CCNB1: variants seen among roughly 807,000 people sequenced by gnomAD.
CCNB1 encodes the protein cyclin B1.
A neutral mutation model predicts 44.4 loss-of-function variants in CCNB1; 26 were observed. The observed-to-expected ratio is 0.59, with a 90% CI of 0.43 to 0.81. The LOEUF is 0.81. CCNB1 is among the 40% of genes least tolerant of loss of function. The pLI is 0.00. For missense variants in CCNB1, 477 were observed against 520.9 expected (o/e 0.92, Z 0.82); for synonymous variants, 195 against 181.4 (o/e 1.08, Z -0.60).
chr5:69,177,371 G>A (rs760313543), intron 8 of CCNB1, 22 bp downstream of exon 8: 2 of 1,469,804 alleles, frequency 1.4e-6, no homozygotes, highest in Non-Finnish European at 1.9e-6. Flanking sequence ...TAGTGGCATT[G>A]TAAGATGCTG....
In CCNB1 at chr5:69,174,386, T is replaced by C; in HGVS notation, c.682T>C (p.Ser228Pro). ...LLQETMYMTV[S>P]IIDRFMQNNC... ...GCAGGAGACCATGTACATGACTGTC[T>C]CCATTATTGATCGGTTCATGCAGGT... The change falls in exon 5 of 9, where the codon TCC (serine) becomes CCC (proline). Residue 228 changes from serine to proline, a missense_variant. Coordinates refer to ENST00000256442, the MANE Select transcript of CCNB1 (RefSeq NM_031966.4). 6.2e-7 allele frequency: 1 copy of C among 1,614,046 alleles called. No homozygotes were observed. Among genetic ancestry groups the C allele is most frequent in the Non-Finnish European group, 8.5e-7 (1 of 1,179,966 alleles).
At chr5:69,176,529 T>A (rs1747595275) in intron 7 of CCNB1, among the ~76,000 whole-genome samples, 1 of 125,334 alleles carries the variant, frequency 8.0e-6, no homozygotes, top group Non-Finnish European at 1.6e-5. Context: ...GCTAATTTTA[T>A]ATATATATAT....
At position 69,175,608 on chromosome 5, in the gene CCNB1, T is replaced by C. The variant is rs1000780793; in HGVS notation, c.1083+71T>C. 21 of 1,435,742 alleles carry C rather than the reference T, an allele frequency of 1.5e-5. No individual in the cohort carries two copies. In the African/African-American group the frequency reaches 2.4e-4, roughly 17 times the overall value. The allele number at this position is 1,435,742 out of a possible 1,614,324, so 88.9% of individuals were successfully genotyped here. A position where few individuals can be genotyped will look rare whatever the true frequency, so the allele number is the denominator to read the frequency against. On this transcript the variant is annotated intron_variant, in intron 7 of 8. Coordinates refer to ENST00000256442, the MANE Select transcript of CCNB1 (RefSeq NM_031966.4). The stretch of plus-strand genomic sequence containing the variant: ...GTGACTAAATACAGAACTTTTGTTA[T>C]TAAAAGGCAATTCAAGTGGTTCATA...
intron 7 of CCNB1, among the ~76,000 whole-genome samples, chr5:69,175,982 A>ATATATATATAT (rs1747577532): frequency 8.6e-6 from 1 of 116,408 alleles, no homozygotes; most frequent in Non-Finnish European, 1.7e-5. Flanking sequence ...AAATATATAA[A>ATATATATATAT]ATATATATAT....
intron 5 of CCNB1, 43 bp from the exon 6 acceptor site, chr5:69,174,834 C>G: frequency 6.6e-7 from 1 of 1,507,854 alleles, no homozygotes. Flanking sequence ...TCTGTGTCTC[C>G]TTTTCAAACA....
In CCNB1 at chr5:69,167,206, C is replaced by CGG; in HGVS notation, c.-55_-54dup. On this transcript the variant is annotated 5_prime_UTR_variant, in exon 1 of 9. Transcript: ENST00000256442. Reference sequence around the variant, plus strand: ...TGCTGGGTGTAGGTCCTTGGCTGGTCGGGCCTCCGGTGTTCTGCTTCTCCC... The same window carrying CGG: ...TGCTGGGTGTAGGTCCTTGGCTGGTCGGGGGCCTCCGGTGTTCTGCTTCTCCC... 2.7e-6 allele frequency: 4 copies of CGG among 1,496,644 alleles called. No homozygotes were observed. The South Asian group carries it at 5.2e-5, about 19-fold the overall frequency. 92.7% of individuals were successfully genotyped at this position (1,496,644 alleles called of 1,614,324 possible). A position where few individuals can be genotyped will look rare whatever the true frequency, so the allele number is the denominator to read the frequency against.
intron 1 of CCNB1, 177 bp downstream of exon 1, chr5:69,167,460 G>C (rs1747360668): frequency 1.6e-6 from 1 of 615,144 alleles, no homozygotes; most frequent in Non-Finnish European, 2.9e-6. Context: ...GAGAGAGTGT[G>C]GGGGACGATG....
chr5:69,167,260 G>C lies in CCNB1; in HGVS notation c.-3G>C. The C allele has an allele frequency of 6.4e-7, 1 of 1,571,842 alleles. No individual in the cohort carries two copies. Among genetic ancestry groups the C allele is most frequent in the Non-Finnish European group, 8.6e-7 (1 of 1,160,724 alleles). ...TGAGCTGCTGCCTGGTGAAGAGGAAGCCATGGCGCTCCGAGTCACCAGGGT... is the reference window on the plus strand; with the variant it reads ...TGAGCTGCTGCCTGGTGAAGAGGAACCCATGGCGCTCCGAGTCACCAGGGT... On this transcript the variant is annotated 5_prime_UTR_variant, in exon 1 of 9. Coordinates refer to ENST00000256442, the MANE Select transcript of CCNB1 (RefSeq NM_031966.4).
At chr5:69,171,661 G>A (rs954836794) in intron 4 of CCNB1, among the ~76,000 whole-genome samples, 11 of 152,176 alleles carry the variant, frequency 7.2e-5, no homozygotes, top group African/African-American at 2.7e-4. Flanking sequence ...AAAGTTCGAA[G>A]TTAGGGTGGA....
chr5:69,169,778 A>G (rs1034361706), intron 3 of CCNB1, among the ~76,000 whole-genome samples: 3 of 151,924 alleles, frequency 2.0e-5, no homozygotes, highest in African/African-American at 7.3e-5. Context: ...CAGCCTCCCA[A>G]GTAGCTGGGG....
chr5:69,175,516 A>T lies in CCNB1; in HGVS notation c.1062A>T (p.Lys354Asn), dbSNP rs372968523. ...CAGGAGCTTTTTGCTTAGCACTGAA[A>T]ATTCTGGATAATGGTGAATGGGTAA... ...IAAGAFCLALKILDNGEWTPT... is the reference protein window; with the variant it reads ...IAAGAFCLALNILDNGEWTPT... Residue 354 changes from lysine (K) to asparagine (N), a missense_variant, in exon 7 of 9, where the codon AAA becomes AAT. Transcript: ENST00000256442. The T allele has an allele frequency of 1.9e-6, 3 of 1,614,110 alleles. No individual in the cohort carries two copies. In the East Asian group the frequency reaches 6.7e-5, roughly 36 times the overall value.
intron 2 of CCNB1, 24 bp from the exon 3 acceptor site, chr5:69,168,149 T>G (rs1276353222): frequency 1.2e-6 from 2 of 1,612,150 alleles, no homozygotes; most frequent in Admixed American, 1.7e-5. Flanking sequence ...CAGAAACATT[T>G]CATTCTCTCT....
intron 3 of CCNB1, among the ~76,000 whole-genome samples, chr5:69,169,634 A>C (rs1747414073): frequency 6.6e-6 from 1 of 150,680 alleles, no homozygotes; most frequent in African/African-American, 2.4e-5. Flanking sequence ...CCCCATCTCC[A>C]CCCCCTGTTC....
intron 8 of CCNB1, 34 bp downstream of exon 8, chr5:69,177,383 A>G: frequency 7.0e-7 from 1 of 1,428,534 alleles, no homozygotes; most frequent in Non-Finnish European, 9.9e-7. Context: ...AAGATGCTGA[A>G]AAGTGTAATA....
In CCNB1 at chr5:69,167,207, G is replaced by C; in HGVS notation, c.-56G>C. On this transcript the variant is annotated 5_prime_UTR_variant, in exon 1 of 9. Transcript: ENST00000256442. The stretch of plus-strand genomic sequence containing the variant: ...GCTGGGTGTAGGTCCTTGGCTGGTC[G>C]GGCCTCCGGTGTTCTGCTTCTCCCC... 1.3e-6 allele frequency: 2 copies of C among 1,491,176 alleles called. No homozygotes were observed. Among genetic ancestry groups the C allele is most frequent in the Non-Finnish European group, 1.8e-6 (2 of 1,111,810 alleles). 92.4% of individuals were successfully genotyped at this position (1,491,176 alleles called of 1,614,324 possible).
intron 5 of CCNB1, 59 bp from the exon 6 acceptor site, chr5:69,174,818 C>A: frequency 1.5e-6 from 2 of 1,331,166 alleles, no homozygotes; most frequent in Non-Finnish European, 2.2e-6. Flanking sequence ...TCTCCTTCAT[C>A]ATAGCTCTGT....
Position 69,167,229 on chromosome 5 carries a change from C to T in CCNB1, c.-34C>T. The T allele has an allele frequency of 3.2e-6, 5 of 1,547,586 alleles. No individual in the cohort carries two copies. The highest frequency in any genetic ancestry group is 2.4e-5 in the East Asian group (1 of 42,504). On this transcript the variant is annotated 5_prime_UTR_variant, in exon 1 of 9. Coordinates refer to ENST00000256442, the MANE Select transcript of CCNB1 (RefSeq NM_031966.4). ...GTCGGGCCTCCGGTGTTCTGCTTCT[C>T]CCCGCTGAGCTGCTGCCTGGTGAAG...
At chr5:69,176,443 G>A (rs1440626387) in intron 7 of CCNB1, among the ~76,000 whole-genome samples, 5 of 151,464 alleles carry the variant, frequency 3.3e-5, no homozygotes, top group East Asian at 2.0e-4. Flanking sequence ...TGCAACCTCC[G>A]CCTCCTGGGT....
rs11552410 is a variant in CCNB1 at position 69,175,066 on chromosome 5, C to T, written c.895C>T (p.Arg299Trp). 4.6e-5 allele frequency: 75 copies of T among 1,613,986 alleles called. No individual in the cohort carries two copies. Among genetic ancestry groups the T allele is most frequent in the Non-Finnish European group, 5.8e-5 (68 of 1,180,020 alleles). ...ILRALNFGLG[R>W]PLPLHFLRRA... ...AAGAGCTTTAAACTTTGGTCTGGGT[C>T]GGCCTCTACCTTTGCACTTCCTTCG... Residue 299 changes from arginine (R) to tryptophan (W), a missense_variant, in exon 6 of 9, where the codon CGG (arginine) becomes TGG (tryptophan). By Grantham distance (101) the Arg-to-Trp change is moderately radical. Coordinates refer to ENST00000256442, the MANE Select transcript of CCNB1 (RefSeq NM_031966.4).
Sources: allele counts gnomAD v4.1 joint callset (sites outside exome capture counted in the v4.1 genomes callset), GRCh38; gene constraint gnomAD v4.1.1; transcripts MANE v1.5; gene names NCBI Gene and HGNC (gene_info 2026-07-23, HGNC 2026-07-21).